Variants in ARHGAP40 observed in about 807,000 individuals in gnomAD.
ARHGAP40 encodes the protein Rho GTPase activating protein 40.
In ARHGAP40, 43 loss-of-function variants were observed where a neutral mutation model predicts 73.5. The observed-to-expected ratio is 0.58, with a 90% CI of 0.46 to 0.75. ARHGAP40 has a LOEUF of 0.75. ARHGAP40 is among the 30% of genes least tolerant of loss of function. The pLI is 0.00. For missense variants in ARHGAP40, 734 were observed against 861.8 expected, an observed-to-expected ratio of 0.85 and a Z score of 1.86; for synonymous variants, 300 against 352.8, an observed-to-expected ratio of 0.85 and a Z score of 1.68.
intron 10 of ARHGAP40, among the ~76,000 whole-genome samples, chr20:38,643,050 A>AG (rs1405050353): frequency 6.6e-6 from 1 of 151,700 alleles, no homozygotes; most frequent in Non-Finnish European, 1.5e-5. Context: ...CTGAGGTGGG[A>AG]GGGTCACTTG....
chr20:38,613,700 G>A (rs754929258), intron 1 of ARHGAP40, among the ~76,000 whole-genome samples: 23 of 152,222 alleles, frequency 1.5e-4, no homozygotes, highest in Non-Finnish European at 2.8e-4. Context: ...GGCACCCATA[G>A]CTGTGCCTTC....
At chr20:38,634,739 C>G (rs772571545) in exon 6 of ARHGAP40, 18 of 1,303,958 alleles carry the variant, frequency 1.4e-5, no homozygotes, top group East Asian at 5.6e-5. Context: ...GTGACATCCT[C>G]GGCTTGGACC....
chr20:38,635,404 C>CTGT (rs2145609270), intron 6 of ARHGAP40, among the ~76,000 whole-genome samples: 1 of 152,258 alleles, frequency 6.6e-6, no homozygotes, highest in East Asian at 1.9e-4. Flanking sequence ...TGGCTCACAC[C>CTGT]TGTAATGCCA....
At chr20:38,628,897 G>A in intron 3 of ARHGAP40, 30 bp from the exon 4 acceptor site, 2 of 1,292,362 alleles carry the variant, frequency 1.5e-6, no homozygotes, top group East Asian at 5.6e-5. Flanking sequence ...TCCCACATGA[G>A]TAATTGGGCA....
rs77161123 is a variant in ARHGAP40 at position 38,649,226 on chromosome 20, G to A, written c.1936+528G>A. 4.0e-3 allele frequency among the ~76,000 whole-genome samples: 612 copies of A among 152,368 alleles called. 1 individual carries two copies. Among genetic ancestry groups the A allele is most frequent in the Non-Finnish European group, 7.1e-3 (485 of 68,038 alleles). On this transcript the variant is annotated intron_variant, in intron 14 of 14. Coordinates refer to ENST00000373345, the Ensembl canonical transcript of ARHGAP40. ...GACACAGATTGCGGGGCCTAAGAATGTGTGTTTCTGATGAGTTCCCAGGAG... is the reference window on the plus strand; with the variant it reads ...GACACAGATTGCGGGGCCTAAGAATATGTGTTTCTGATGAGTTCCCAGGAG...
At chr20:38,649,821 G>C (rs1192160176) in exon 15 of ARHGAP40, 1 of 1,305,278 alleles carries the variant, frequency 7.7e-7, no homozygotes. Context: ...CGCATGGTGA[G>C]TGGGTCCTTA....
At chr20:38,611,078 T>C (rs1313956085) in intron 1 of ARHGAP40, among the ~76,000 whole-genome samples, 1 of 151,912 alleles carries the variant, frequency 6.6e-6, no homozygotes, top group African/African-American at 2.4e-5. Context: ...TTAGTAGAGA[T>C]GGGGTTTCAC....
chr20:38,634,928 C>T, intron 6 of ARHGAP40, 143 bp downstream of exon 6: 2 of 964,070 alleles, frequency 2.1e-6, no homozygotes, highest in Non-Finnish European at 2.7e-6. Context: ...TGTCACCAGG[C>T]TGGAGTGCAG....
At position 38,626,895 on chromosome 20, in the gene ARHGAP40, G is replaced by C. The variant is rs1478624260; in HGVS notation, c.338-100G>C. 3 of 915,510 alleles carry C rather than the reference G, an allele frequency of 3.3e-6. No homozygotes were observed. The East Asian group carries it at 1.9e-4, about 58-fold the overall frequency. 56.7% of individuals were successfully genotyped at this position (915,510 alleles called of 1,614,324 possible). ...CACGATCAGATATGCAGAAACTCCT[G>C]TGTCCAGGTGAGTGTGTGCTTCTAT... On this transcript the variant is annotated intron_variant, in intron 2 of 14. Transcript: ENST00000373345.
rs78818257 is a variant in ARHGAP40, at chr20:38,618,483, G to A, written c.138-4876G>A. ...CACATAACAACCATCATTTTATTCC[G>A]CTTAGCGATTCGATGGGTAAGGAAT... is the stretch of plus-strand genomic sequence containing the variant. On this transcript the variant is annotated intron_variant, in intron 1 of 14. Transcript: ENST00000373345. 4.4e-4 allele frequency among the ~76,000 whole-genome samples: 67 copies of A among 152,062 alleles called. 1 individual carries two copies. The East Asian group carries it at 8.9e-3, about 20-fold the overall frequency.
chr20:38,631,231 G>C (rs2088935987), intron 5 of ARHGAP40, among the ~76,000 whole-genome samples: 1 of 148,240 alleles, frequency 6.7e-6, no homozygotes. Context: ...AGGATCACTT[G>C]TACCTGGAGG....
chr20:38,637,369 G>A (rs933393048), intron 6 of ARHGAP40, among the ~76,000 whole-genome samples: 4 of 152,100 alleles, frequency 2.6e-5, no homozygotes, highest in Admixed American at 1.3e-4. Context: ...GGCTAGTCTC[G>A]ACCTCCTGAC....
Position 38,623,228 on chromosome 20 carries a change from G to A in ARHGAP40, c.138-131G>A, listed in dbSNP as rs189759147. ...AGTCAATTTGCTGAGATCACCCTGAGAAACATGCCTAGGAAGCTTGCTTAG... is the reference window on the plus strand; with the variant it reads ...AGTCAATTTGCTGAGATCACCCTGAAAAACATGCCTAGGAAGCTTGCTTAG... On this transcript the variant is annotated intron_variant, in intron 1 of 14. Coordinates refer to ENST00000373345, the Ensembl canonical transcript of ARHGAP40. 225 of 630,344 alleles carry A rather than the reference G, an allele frequency of 3.6e-4. No homozygotes were observed. The African/African-American group carries it at 4.0e-3, about 11-fold the overall frequency. 39.0% of individuals were successfully genotyped at this position (630,344 alleles called of 1,614,324 possible).
At chr20:38,620,738 G>T (rs113652966) in intron 1 of ARHGAP40, among the ~76,000 whole-genome samples, 1 of 152,210 alleles carries the variant, frequency 6.6e-6, no homozygotes, top group Non-Finnish European at 1.5e-5. Flanking sequence ...TGCCGGAGCC[G>T]TTGCCAGGAG....
At chr20:38,650,563 T>A (rs2089083786) in exon 15 of ARHGAP40, 4 of 466,476 alleles carry the variant, frequency 8.6e-6, no homozygotes, top group South Asian at 6.3e-5. Context: ...ATGCTTTACA[T>A]GTTGATTTGT....
chr20:38,650,190 C>T, exon 15 of ARHGAP40: 1 of 381,770 alleles, frequency 2.6e-6, no homozygotes, highest in Non-Finnish European at 5.2e-6. Context: ...TCCAGCCCTC[C>T]AGAGAGTTGC....
chr20:38,617,865 T>G (rs992376325), intron 1 of ARHGAP40, among the ~76,000 whole-genome samples: 7 of 152,220 alleles, frequency 4.6e-5, no homozygotes, highest in Non-Finnish European at 8.8e-5. Context: ...TCTAAGCACC[T>G]TAGGTGTATT....
rs1441599543 is a variant in ARHGAP40, at chr20:38,646,870, C to T, written c.1711-87C>T. On this transcript the variant is annotated intron_variant, in intron 12 of 14. Transcript: ENST00000373345. The surrounding 1 kb of genome is among the most constrained non-coding windows in gnomAD (Gnocchi z 4.5). ...TTCAGCGTGGGCATTTGCGTAAGTG[C>T]CATGTATGCGTGTTTATGCATCCAC... The T allele has an allele frequency of 8.5e-7, 1 of 1,180,084 alleles. No homozygotes were observed. The highest frequency in any genetic ancestry group is 1.1e-6 in the Non-Finnish European group (1 of 903,748). 73.1% of individuals were successfully genotyped at this position (1,180,084 alleles called of 1,614,324 possible).
intron 5 of ARHGAP40, among the ~76,000 whole-genome samples, chr20:38,631,870 G>T (rs2088941532): frequency 6.6e-6 from 1 of 152,144 alleles, no homozygotes; most frequent in Admixed American, 6.6e-5. Flanking sequence ...TGCAAAAACA[G>T]AACTCCCACG....
Sources: gnomAD v4.1 joint callset for allele counts (sites outside exome capture counted in the v4.1 genomes callset) on GRCh38, gnomAD v4.1.1 for gene constraint, Gnocchi (gnomAD v3.1) non-coding constraint, MANE v1.5 for transcripts, NCBI Gene and HGNC (gene_info 2026-07-23, HGNC 2026-07-21) for gene names.